CMTM8: variants seen among roughly 807,000 people sequenced by gnomAD.
The protein encoded by CMTM8 is CKLF-like MARVEL transmembrane domain-containing protein 8.
In CMTM8, 12 loss-of-function variants were observed where a neutral mutation model predicts 18.6. The observed-to-expected ratio is 0.65, with a 90% CI of 0.41 to 1.05. The LOEUF (loss-of-function observed/expected upper bound fraction) is 1.05, where lower values mean the gene tolerates loss of function less well. CMTM8 is among the 50% of genes least tolerant of loss of function. The pLI is 0.00. For synonymous variants in CMTM8, 87 were observed against 90.6 expected (o/e 0.96, Z 0.23); for missense variants, 217 against 227.2 (o/e 0.95, Z 0.29).
At chr3:32,292,316 A>T (rs1420442733) in intron 1 of CMTM8, among the ~76,000 whole-genome samples, 1 of 152,218 alleles carries the variant, frequency 6.6e-6, no homozygotes, top group Non-Finnish European at 1.5e-5. Flanking sequence ...CCTCTCGTAT[A>T]GATGCCTCAC....
chr3:32,259,103 C>T, intron 1 of CMTM8: 2 of 392,412 alleles, frequency 5.1e-6, no homozygotes, highest in Non-Finnish European at 9.8e-6. Flanking sequence ...GTGTCCTGCT[C>T]CACCAGCTTC....
intron 1 of CMTM8, among the ~76,000 whole-genome samples, chr3:32,273,129 A>ATGTGTGTG (rs60162265): frequency 0.097 from 13,827 of 142,922 alleles, 723 homozygotes; most frequent in Middle Eastern, 0.2. Flanking sequence ...ATTGGAACAA[A>ATGTGTGTG]TGTGTGTGTG....
At chr3:32,321,056 G>C (rs568106320) in intron 1 of CMTM8, among the ~76,000 whole-genome samples, 1 of 152,178 alleles carries the variant, frequency 6.6e-6, no homozygotes, top group East Asian at 1.9e-4. Flanking sequence ...AATTGCTTTA[G>C]TGTTCAAAAA....
At chr3:32,332,744 G>C (rs1696305302) in intron 1 of CMTM8, among the ~76,000 whole-genome samples, 1 of 152,146 alleles carries the variant, frequency 6.6e-6, no homozygotes, top group East Asian at 1.9e-4. Flanking sequence ...TGCTTAGTGA[G>C]ACAGCCTTGG....
intron 1 of CMTM8, among the ~76,000 whole-genome samples, chr3:32,293,077 G>GTACATATATATA (rs1553604169): frequency 4.8e-5 from 7 of 145,738 alleles, no homozygotes; most frequent in African/African-American, 1.8e-4. Flanking sequence ...ATATGTGTGT[G>GTACATATATATA]TATATATATA....
At chr3:32,281,901 T>C (rs1702615249) in intron 1 of CMTM8, among the ~76,000 whole-genome samples, 1 of 152,192 alleles carries the variant, frequency 6.6e-6, no homozygotes, top group Admixed American at 6.5e-5. Flanking sequence ...TCTCACTGGA[T>C]GTGTACCTCA....
At chr3:32,333,727 T>C (rs1696327335) in intron 1 of CMTM8, among the ~76,000 whole-genome samples, 1 of 151,010 alleles carries the variant, frequency 6.6e-6, no homozygotes, top group Admixed American at 6.6e-5. Flanking sequence ...GAAAGATGAA[T>C]AGGCAGAGCA....
chr3:32,325,843 G>A (rs1390965816), intron 1 of CMTM8, among the ~76,000 whole-genome samples: 1 of 152,150 alleles, frequency 6.6e-6, no homozygotes, highest in Non-Finnish European at 1.5e-5. Context: ...TCATTCATTA[G>A]TCACAAAGGA....
intron 1 of CMTM8, among the ~76,000 whole-genome samples, chr3:32,280,014 T>A (rs1166318751): frequency 6.6e-6 from 1 of 150,744 alleles, no homozygotes; most frequent in Non-Finnish European, 1.5e-5. Flanking sequence ...TGGGAGACTT[T>A]AACACCCCAC....
intron 1 of CMTM8, chr3:32,259,470 T>C: frequency 1.3e-6 from 1 of 783,800 alleles, no homozygotes; most frequent in Non-Finnish European, 2.3e-6. Context: ...TGCCAGTCTT[T>C]GGAGAATGAC....
At chr3:32,339,340 C>T (rs1696448338) in intron 1 of CMTM8, among the ~76,000 whole-genome samples, 1 of 152,158 alleles carries the variant, frequency 6.6e-6, no homozygotes, top group Non-Finnish European at 1.5e-5. Flanking sequence ...ACATCTAGGC[C>T]TCAAGTTTTG....
intron 1 of CMTM8, among the ~76,000 whole-genome samples, chr3:32,304,171 G>A (rs1255524680): frequency 6.6e-6 from 1 of 152,168 alleles, no homozygotes; most frequent in Non-Finnish European, 1.5e-5. Context: ...ATGATAATTG[G>A]TTGTACCAAA....
At chr3:32,285,499 C>T (rs1366932589) in intron 1 of CMTM8, among the ~76,000 whole-genome samples, 1 of 136,660 alleles carries the variant, frequency 7.3e-6, no homozygotes, top group Non-Finnish European at 1.6e-5. Context: ...GGTGACAGAG[C>T]GAGATTCTAT....
At chr3:32,262,672 G>A (rs563939861) in intron 1 of CMTM8, among the ~76,000 whole-genome samples, 4 of 152,280 alleles carry the variant, frequency 2.6e-5, no homozygotes, top group African/African-American at 9.6e-5. Context: ...AGATAATGAC[G>A]ATGTCACATG....
At chr3:32,359,981 G>A (rs1256414402) in intron 2 of CMTM8, among the ~76,000 whole-genome samples, 1 of 152,172 alleles carries the variant, frequency 6.6e-6, no homozygotes, top group Non-Finnish European at 1.5e-5. Context: ...GGCCCCCTCT[G>A]CCTGAGCGGT....
chr3:32,245,149 C>T (rs2125527704), intron 1 of CMTM8, among the ~76,000 whole-genome samples: 1 of 152,202 alleles, frequency 6.6e-6, no homozygotes, highest in Non-Finnish European at 1.5e-5. Context: ...TGTTTCAAAC[C>T]TTTGCAATCC....
chr3:32,301,438 T>C (rs1695617389), intron 1 of CMTM8, among the ~76,000 whole-genome samples: 1 of 152,164 alleles, frequency 6.6e-6, no homozygotes, highest in South Asian at 2.1e-4. Flanking sequence ...CCTGTTGTTT[T>C]TAAAACTAGA....
chr3:32,357,480 C>T lies in CMTM8; in HGVS notation c.255C>T (p.Val85=), dbSNP rs1229241483. 5.6e-6 allele frequency: 9 copies of T among 1,614,136 alleles called. No homozygotes were observed. The highest frequency in any genetic ancestry group is 7.6e-6 in the Non-Finnish European group (9 of 1,180,026). The stretch of plus-strand genomic sequence containing the variant: ...CTGTATTTTACTGGGTCCTCACCGT[C>T]TTCTTCCTCATTATCTACATAACAA... ...FVAVFYWVLT[V]FFLIIYITMT... The change falls in exon 2 of 4, where the codon GTC becomes GTT. Residue 85 remains valine (V), a synonymous_variant. Coordinates refer to ENST00000307526, the MANE Select transcript of CMTM8 (RefSeq NM_178868.5).
chr3:32,291,553 G>A (rs1702779707), intron 1 of CMTM8, among the ~76,000 whole-genome samples: 1 of 152,186 alleles, frequency 6.6e-6, no homozygotes, highest in Non-Finnish European at 1.5e-5. Context: ...TTGAGCCTTA[G>A]AAATGTTAAG....
Sources: allele counts gnomAD v4.1 joint callset (sites outside exome capture counted in the v4.1 genomes callset), GRCh38; gene constraint gnomAD v4.1.1; transcripts MANE v1.5; gene names NCBI Gene and HGNC (gene_info 2026-07-23, HGNC 2026-07-21).